COL19A1: variants seen among roughly 807,000 people sequenced by gnomAD.
COL19A1 encodes collagen type XIX alpha 1 chain.
COL19A1 carries 159 observed loss-of-function variants against 190.2 expected under a neutral mutation model. That is an observed-to-expected ratio of 0.84 (90% CI 0.73 to 0.95). The LOEUF (loss-of-function observed/expected upper bound fraction) is 0.95, where lower values mean the gene tolerates loss of function less well. Ranked by LOEUF, COL19A1 falls within the 40% of genes least tolerant of loss-of-function variation. COL19A1 has a pLI of 0.00. For missense variants in COL19A1, 1,418 were observed against 1,431.9 expected (o/e 0.99, Z 0.16); for synonymous variants, 509 against 458.9 (o/e 1.11, Z -1.39).
intron 2 of COL19A1, among the ~76,000 whole-genome samples, chr6:69,885,944 A>C (rs1295610614): frequency 2.0e-5 from 3 of 152,206 alleles, no homozygotes; most frequent in African/African-American, 7.2e-5. Flanking sequence ...TGGATATCAC[A>C]TGAAAAATCT....
At chr6:70,136,319 A>G (rs1785869891) in intron 18 of COL19A1, among the ~76,000 whole-genome samples, 1 of 152,150 alleles carries the variant, frequency 6.6e-6, no homozygotes, top group Non-Finnish European at 1.5e-5. Context: ...AGGCACATCC[A>G]CAGGGGTCAG....
chr6:70,150,131 C>A, intron 30 of COL19A1, 86 bp downstream of exon 30: 2 of 1,351,166 alleles, frequency 1.5e-6, no homozygotes, highest in Non-Finnish European at 2.1e-6. Context: ...GCTGTCCAAA[C>A]TAATTAGAAT....
chr6:70,037,413 C>T (rs1414530791), intron 14 of COL19A1, among the ~76,000 whole-genome samples: 1 of 152,094 alleles, frequency 6.6e-6, no homozygotes, highest in Non-Finnish European at 1.5e-5. Context: ...ACTTCGGCCT[C>T]CCAAAGTGCT....
intron 18 of COL19A1, among the ~76,000 whole-genome samples, chr6:70,136,415 G>C (rs774023485): frequency 6.6e-6 from 1 of 152,088 alleles, no homozygotes; most frequent in East Asian, 1.9e-4. Flanking sequence ...TGAGATAAAC[G>C]CTGGTTTATT....
chr6:70,166,359 A>T (rs1765156353), intron 37 of COL19A1, among the ~76,000 whole-genome samples: 1 of 152,228 alleles, frequency 6.6e-6, no homozygotes, highest in African/African-American at 2.4e-5. Context: ...GTTGGTAGAA[A>T]ATCGGATATT....
At chr6:70,134,262 C>T (rs1257136704) in intron 18 of COL19A1, among the ~76,000 whole-genome samples, 2 of 152,134 alleles carry the variant, frequency 1.3e-5, no homozygotes, top group Non-Finnish European at 2.9e-5. Flanking sequence ...CAACTTCTCC[C>T]TTGCCTTACC....
intron 17 of COL19A1, 92 bp from the exon 18 acceptor site, chr6:70,130,090 A>T: frequency 7.2e-7 from 1 of 1,390,202 alleles, no homozygotes; most frequent in Non-Finnish European, 1.0e-6. Context: ...CGGTTACAGA[A>T]CTATTATCTG....
intron 1 of COL19A1, among the ~76,000 whole-genome samples, 163 bp downstream of exon 1, chr6:69,866,803 C>T (rs1267977069): frequency 6.6e-6 from 1 of 152,208 alleles, no homozygotes; most frequent in Non-Finnish European, 1.5e-5. Flanking sequence ...AAATAATGCA[C>T]ACCTGCATAC....
At chr6:70,030,779 C>A (rs1388603181) in intron 12 of COL19A1, among the ~76,000 whole-genome samples, 2 of 152,122 alleles carry the variant, frequency 1.3e-5, no homozygotes, top group Non-Finnish European at 2.9e-5. Context: ...AGCCTGGAGA[C>A]TTTCCTTCTT....
Position 69,904,095 on chromosome 6 carries a change from C to T in COL19A1, c.266+3757C>T, listed in dbSNP as rs578018960. On this transcript the variant is annotated intron_variant, in intron 4 of 50. Coordinates refer to ENST00000620364, the MANE Select transcript of COL19A1 (RefSeq NM_001858.6). ...CAGTGCCCCACATATGGGGTGAGAA[C>T]AGCAGCTAGAGAGCCAAAATCACTC... 3.9e-5 allele frequency among the ~76,000 whole-genome samples: 6 copies of T among 152,254 alleles called. No individual in the cohort carries two copies. The East Asian group carries it at 9.7e-4, about 25-fold the overall frequency.
intron 49 of COL19A1, among the ~76,000 whole-genome samples, chr6:70,201,188 A>G (rs1675130624): frequency 6.6e-6 from 1 of 152,220 alleles, no homozygotes; most frequent in African/African-American, 2.4e-5. Flanking sequence ...TAGATCCTTC[A>G]AACAGTGGTG....
chr6:69,982,691 G>A (rs111983520), intron 11 of COL19A1, among the ~76,000 whole-genome samples: 11 of 148,130 alleles, frequency 7.4e-5, no homozygotes, highest in African/African-American at 2.6e-4. Context: ...CAACATGCCC[G>A]GCCAGGAGCA....
chr6:70,098,509 A>G (rs1783424432), intron 15 of COL19A1: 1 of 479,518 alleles, frequency 2.1e-6, no homozygotes. Context: ...CAGTCCTGGT[A>G]TTATTTCATC....
intron 14 of COL19A1, among the ~76,000 whole-genome samples, chr6:70,068,196 C>T (rs934863192): frequency 5.9e-5 from 9 of 151,884 alleles, no homozygotes; most frequent in Admixed American, 6.6e-5. Flanking sequence ...GGTCTCACAC[C>T]TGGTGTGGGT....
At chr6:69,880,337 T>C (rs1045553952) in intron 2 of COL19A1, among the ~76,000 whole-genome samples, 2 of 152,238 alleles carry the variant, frequency 1.3e-5, no homozygotes, top group African/African-American at 4.8e-5. Context: ...CTTAGCTAAA[T>C]GCAATTCATA....
chr6:69,917,409 A>G (rs1373594253), intron 4 of COL19A1, among the ~76,000 whole-genome samples: 2 of 152,202 alleles, frequency 1.3e-5, no homozygotes, highest in African/African-American at 2.4e-5. Flanking sequence ...AGGACTGGTT[A>G]TAGGCATCAT....
chr6:70,019,967 G>C (rs970120837), intron 11 of COL19A1, among the ~76,000 whole-genome samples: 6 of 151,968 alleles, frequency 3.9e-5, no homozygotes, highest in Non-Finnish European at 5.9e-5. Flanking sequence ...TGAATACATA[G>C]ATATCAATAC....
rs2149973146 is a variant in COL19A1 at position 69,900,223 on chromosome 6, C to T, written c.167-16C>T. 1 of 1,465,556 alleles carries T rather than the reference C, an allele frequency of 6.8e-7. No individual in the cohort carries two copies. Among genetic ancestry groups the T allele is most frequent in the South Asian group, 1.3e-5 (1 of 77,350 alleles). The allele number at this position is 1,465,556 out of a possible 1,614,324, so 90.8% of individuals were successfully genotyped here. A position where few individuals can be genotyped will look rare whatever the true frequency, so the allele number is the denominator to read the frequency against. Reference sequence around the variant, plus strand: ...CTATTAGTTTATTAAATTGAATCATCTGTTACATTTTACAGGTTTTGATCT... The same window carrying T: ...CTATTAGTTTATTAAATTGAATCATTTGTTACATTTTACAGGTTTTGATCT... On this transcript the variant is annotated splice_polypyrimidine_tract_variant and intron_variant, in intron 3 of 50. Transcript: ENST00000620364.
intron 15 of COL19A1, among the ~76,000 whole-genome samples, chr6:70,071,716 G>A (rs1356123056): frequency 2.0e-5 from 3 of 152,138 alleles, no homozygotes; most frequent in Middle Eastern, 6.8e-3. Flanking sequence ...GAATGTTTCA[G>A]ATCACGATGA....
Sources: allele counts gnomAD v4.1 joint callset (sites outside exome capture counted in the v4.1 genomes callset), GRCh38; gene constraint gnomAD v4.1.1; transcripts MANE v1.5; gene names NCBI Gene and HGNC (gene_info 2026-07-23, HGNC 2026-07-21).